Variants in ZNF804B observed in about 807,000 individuals in gnomAD.
ZNF804B encodes the protein zinc finger 804B.
Under a neutral mutation model 101.4 loss-of-function variants are expected in ZNF804B, and 80 were observed. The observed-to-expected ratio is 0.79, with a 90% CI of 0.66 to 0.95. The LOEUF is 0.95. Among genes scored for constraint, ZNF804B ranks in the 40% least tolerant of loss-of-function variants. The pLI is 0.00. For synonymous variants in ZNF804B, 622 were observed against 558.8 expected, an observed-to-expected ratio of 1.11 and a Z score of -1.59; for missense variants, 1,673 against 1,561.9, an observed-to-expected ratio of 1.07 and a Z score of -1.20.
At chr7:88,996,175 A>G (rs894834417) in intron 1 of ZNF804B, among the ~76,000 whole-genome samples, 2 of 152,088 alleles carry the variant, frequency 1.3e-5, no homozygotes, top group African/African-American at 2.4e-5. Flanking sequence ...CTAATATAAT[A>G]TTAAAAATAG....
chr7:88,801,536 C>G (rs988076282), intron 1 of ZNF804B, among the ~76,000 whole-genome samples: 8 of 152,100 alleles, frequency 5.3e-5, no homozygotes, highest in Non-Finnish European at 1.2e-4. Context: ...CTCTTATCTT[C>G]TGCCAGCTTA....
In ZNF804B at chr7:89,335,376, A is replaced by G; in HGVS notation, c.2394A>G (p.Lys798=). The G allele has an allele frequency of 6.2e-7, 1 of 1,613,692 alleles. No individual in the cohort carries two copies. The highest frequency in any genetic ancestry group is 2.2e-5 in the East Asian group (1 of 44,836). Residue 798 remains lysine (K), a synonymous_variant, in exon 4 of 4, where the codon AAA becomes AAG. Transcript: ENST00000333190. ...CATTTAAAAATGAAAAATACTCAAA[A>G]CGTAGATATTGTCACTGCAGAGAAA... ...WESFKNEKYS[K]RRYCHCRERQ... is the part of the protein sequence containing the mutation.
chr7:89,274,455 C>G (rs536196434), intron 2 of ZNF804B, among the ~76,000 whole-genome samples: 2 of 148,956 alleles, frequency 1.3e-5, no homozygotes, highest in Non-Finnish European at 3.0e-5. Flanking sequence ...ATGATGATTT[C>G]CAATTTCATC....
At chr7:88,960,106 G>C (rs929039548) in intron 1 of ZNF804B, among the ~76,000 whole-genome samples, 5 of 151,208 alleles carry the variant, frequency 3.3e-5, no homozygotes, top group African/African-American at 1.2e-4. Flanking sequence ...AAATGTGTCT[G>C]TTGTACAAAT....
Position 89,334,018 on chromosome 7 carries a change from A to G in ZNF804B, c.1036A>G (p.Arg346Gly). ...TCCTACCAGCAGAGAAAAAGAAACT[A>G]GAAATACATTGAAGAACACTTTAGA... ...FTPTSREKETRNTLKNTLENC... is the reference protein window; with the variant it reads ...FTPTSREKETGNTLKNTLENC... The change falls in exon 4 of 4, where the codon AGA (arginine) becomes GGA (glycine). Residue 346 changes from arginine (R) to glycine (G), a missense_variant. Arg to Gly is a moderately radical substitution (Grantham distance 125). Transcript: ENST00000333190. The G allele has an allele frequency of 6.2e-7, 1 of 1,613,450 alleles. No homozygotes were observed. The highest frequency in any genetic ancestry group is 8.5e-7 in the Non-Finnish European group (1 of 1,179,724).
At chr7:89,332,214 A>G (rs1790996118) in intron 3 of ZNF804B, among the ~76,000 whole-genome samples, 1 of 151,698 alleles carries the variant, frequency 6.6e-6, no homozygotes, top group Non-Finnish European at 1.5e-5. Context: ...TGGTGGACAA[A>G]AGGAATGTGA....
At chr7:89,088,096 AC>A (rs1358887369) in intron 1 of ZNF804B, among the ~76,000 whole-genome samples, 1 of 151,938 alleles carries the variant, frequency 6.6e-6, no homozygotes. Flanking sequence ...ACAGTTTCTA[AC>A]AGAAAGAACC....
At chr7:88,977,616 C>T (rs938115965) in intron 1 of ZNF804B, among the ~76,000 whole-genome samples, 3 of 151,394 alleles carry the variant, frequency 2.0e-5, no homozygotes, top group African/African-American at 4.8e-5. Context: ...TGATTTTCTT[C>T]GTTTGGGTCT....
intron 2 of ZNF804B, among the ~76,000 whole-genome samples, chr7:89,301,277 G>A (rs1790469795): frequency 6.6e-6 from 1 of 151,316 alleles, no homozygotes; most frequent in African/African-American, 2.4e-5. Context: ...ATTCATGGAT[G>A]GCTGAAACAT....
intron 1 of ZNF804B, among the ~76,000 whole-genome samples, chr7:88,767,028 C>T (rs1233324493): frequency 6.6e-6 from 1 of 152,006 alleles, no homozygotes; most frequent in Non-Finnish European, 1.5e-5. Flanking sequence ...CTTAAACAAT[C>T]TTCTTCCTCT....
At chr7:88,771,300 A>G (rs2698207) in intron 1 of ZNF804B, among the ~76,000 whole-genome samples, 66,433 of 151,874 alleles carry the variant, frequency 0.44, 17,698 homozygotes, top group African/African-American at 0.75. Context: ...AAATAAAAAA[A>G]TTCTATTCTA....
At chr7:89,051,232 A>G (rs965487618) in intron 1 of ZNF804B, among the ~76,000 whole-genome samples, 2 of 152,124 alleles carry the variant, frequency 1.3e-5, no homozygotes, top group African/African-American at 4.8e-5. Flanking sequence ...AAAAAATTCC[A>G]GAAGAGTTAC....
intron 1 of ZNF804B, among the ~76,000 whole-genome samples, chr7:88,952,429 T>C (rs1793238255): frequency 6.6e-6 from 1 of 151,790 alleles, no homozygotes. Context: ...CATGTTACAA[T>C]TATGTGGTTC....
chr7:89,156,015 C>CT (rs1308149611), intron 1 of ZNF804B, among the ~76,000 whole-genome samples: 6 of 85,536 alleles, frequency 7.0e-5, no homozygotes, highest in African/African-American at 2.3e-4. Flanking sequence ...TTCTTTCTCT[C>CT]TTTCCTTTCT....
chr7:88,924,743 T>G (rs1792770926), intron 1 of ZNF804B, among the ~76,000 whole-genome samples: 1 of 152,184 alleles, frequency 6.6e-6, no homozygotes, highest in African/African-American at 2.4e-5. Flanking sequence ...AGAAGTAGTA[T>G]TTCTCATTAC....
At chr7:89,271,183 G>A (rs1158343693) in intron 2 of ZNF804B, among the ~76,000 whole-genome samples, 2 of 152,134 alleles carry the variant, frequency 1.3e-5, no homozygotes, top group Non-Finnish European at 2.9e-5. Flanking sequence ...TGCTTATTCA[G>A]TATGATACTG....
chr7:88,961,642 A>G (rs996995331), intron 1 of ZNF804B, among the ~76,000 whole-genome samples: 5 of 151,412 alleles, frequency 3.3e-5, no homozygotes, highest in Admixed American at 6.6e-5. Flanking sequence ...GTTTTTCCAT[A>G]TCTCTTCACA....
intron 1 of ZNF804B, among the ~76,000 whole-genome samples, chr7:89,109,604 C>G (rs776086300): frequency 3.3e-5 from 5 of 152,120 alleles, no homozygotes; most frequent in Non-Finnish European, 5.9e-5. Flanking sequence ...ACTCTCATTC[C>G]CACATTTTTG....
At chr7:89,209,428 C>G (rs753284538) in intron 1 of ZNF804B, among the ~76,000 whole-genome samples, 3 of 152,084 alleles carry the variant, frequency 2.0e-5, no homozygotes, top group Non-Finnish European at 4.4e-5. Context: ...ATAGTTGGTT[C>G]ACACTGAACT....
Sources: allele counts gnomAD v4.1 joint callset (sites outside exome capture counted in the v4.1 genomes callset), GRCh38; gene constraint gnomAD v4.1.1; transcripts MANE v1.5; gene names NCBI Gene and HGNC (gene_info 2026-07-23, HGNC 2026-07-21).